Variants in DKKL1 observed in about 807,000 individuals in gnomAD.
DKKL1 encodes the protein dickkopf-like protein 1.
A neutral mutation model predicts 16.5 loss-of-function variants in DKKL1; 11 were observed. The observed-to-expected ratio is 0.67, with a 90% CI of 0.42 to 1.10. The LOEUF is 1.10. Among genes scored for constraint, DKKL1 ranks in the 50% least tolerant of loss-of-function variants. The pLI, the probability that DKKL1 is intolerant of heterozygous loss-of-function variation, is 0.00. For missense variants in DKKL1, 320 were observed against 308.1 expected (o/e 1.04, Z -0.29); for synonymous variants, 119 against 133.2 (o/e 0.89, Z 0.73).
At chr19:49,367,751 G>T (rs1973312654) in intron 4 of DKKL1, among the ~76,000 whole-genome samples, 1 of 152,178 alleles carries the variant, frequency 6.6e-6, no homozygotes, top group African/African-American at 2.4e-5. Context: ...ATTATGAAGT[G>T]CTTTGCAAAA....
At position 49,364,020 on chromosome 19, in the gene DKKL1, G is replaced by C; in HGVS notation, c.10+12G>C. The stretch of plus-strand genomic sequence containing the variant: ...GGGTATGGGAGAAGGTGAGGATTGA[G>C]ATCTGGTGGTGAACGTGGGCGAAAG... On this transcript the variant is annotated intron_variant, in intron 1 of 4. Coordinates refer to ENST00000221498, the MANE Select transcript of DKKL1 (RefSeq NM_014419.4). 1.2e-6 allele frequency: 2 copies of C among 1,613,304 alleles called. No homozygotes were observed. Among genetic ancestry groups the C allele is most frequent in the African/African-American group, 2.7e-5 (2 of 75,044 alleles).
At chr19:49,360,799 A>AGG (rs66557222), upstream of DKKL1, among the ~76,000 whole-genome samples, 47 of 46,228 alleles carry the variant, frequency 1.0e-3, no homozygotes, top group African/African-American at 4.1e-3. Context: ...GAGACCAGCA[A>AGG]GGGGGGGGGA....
At chr19:49,363,744 G>A (rs571315127), upstream of DKKL1, 6 of 575,158 alleles carry the variant, frequency 1.0e-5, no homozygotes, top group Non-Finnish European at 1.9e-5. Flanking sequence ...GAAGGATGGG[G>A]CGTGGCTGTG....
intron 4 of DKKL1, among the ~76,000 whole-genome samples, chr19:49,373,427 T>G (rs923852923): frequency 4.6e-5 from 7 of 152,178 alleles, no homozygotes; most frequent in African/African-American, 1.7e-4. Context: ...TATTACAGGT[T>G]AGAATTTCAA....
At chr19:49,361,045 A>AC (rs532318113), upstream of DKKL1, among the ~76,000 whole-genome samples, 3 of 62,800 alleles carry the variant, frequency 4.8e-5, no homozygotes, top group African/African-American at 1.6e-4. Flanking sequence ...GGGGACAGAG[A>AC]CCAGAGAGGG....
chr19:49,366,227 G>C (rs572561364), intron 4 of DKKL1, among the ~76,000 whole-genome samples: 2 of 152,104 alleles, frequency 1.3e-5, no homozygotes, highest in South Asian at 4.1e-4. Flanking sequence ...CACCATGCCT[G>C]GTGAGGCCCT....
intron 4 of DKKL1, among the ~76,000 whole-genome samples, chr19:49,368,077 C>T (rs1276633853): frequency 6.6e-6 from 1 of 152,080 alleles, no homozygotes; most frequent in Non-Finnish European, 1.5e-5. Context: ...ATTTGGGAGG[C>T]CAAGGCAGGC....
chr19:49,363,246 G>T (rs1271741161), upstream of DKKL1: 1 of 152,144 alleles, frequency 6.6e-6, no homozygotes, highest in Non-Finnish European at 1.5e-5. Context: ...CCGGACCTGA[G>T]GTCCTCAGGG....
chr19:49,373,404 C>A (rs1339331662), intron 4 of DKKL1, among the ~76,000 whole-genome samples: 1 of 152,048 alleles, frequency 6.6e-6, no homozygotes, highest in East Asian at 1.9e-4. Flanking sequence ...CCAAATAAGG[C>A]CACATTCTGA....
At position 49,374,688 on chromosome 19, in the gene DKKL1, G is replaced by A. The variant is rs760663459; in HGVS notation, c.418-29G>A. On this transcript the variant is annotated intron_variant, in intron 4 of 4. Coordinates refer to ENST00000221498, the MANE Select transcript of DKKL1 (RefSeq NM_014419.4). ...CATCCTGGGGTGCTGTTTGGAGTATGAGAGGGTCTCCTTGTTCTTCCTCCC... is the reference window on the plus strand; with the variant it reads ...CATCCTGGGGTGCTGTTTGGAGTATAAGAGGGTCTCCTTGTTCTTCCTCCC... 13 of 1,514,468 alleles carry A rather than the reference G, an allele frequency of 8.6e-6. No homozygotes were observed. The South Asian group carries it at 1.7e-4, about 20-fold the overall frequency. The allele number at this position is 1,514,468 out of a possible 1,614,324, so 93.8% of individuals were successfully genotyped here.
chr19:49,369,501 G>A (rs1278880811), intron 4 of DKKL1: 3 of 152,016 alleles, frequency 2.0e-5, no homozygotes, highest in Non-Finnish European at 4.4e-5. Flanking sequence ...AGGCTCTTCT[G>A]TATCTGCCCA....
chr19:49,365,595 C>T lies in DKKL1; in HGVS notation c.270C>T (p.Asn90=). The T allele has an allele frequency of 6.2e-7, 1 of 1,613,886 alleles. No homozygotes were observed. The highest frequency in any genetic ancestry group is 8.5e-7 in the Non-Finnish European group (1 of 1,179,896). The change falls in exon 3 of 5, where the codon AAC becomes AAT. Residue 90 remains asparagine (N), a synonymous_variant. Coordinates refer to ENST00000221498, the MANE Select transcript of DKKL1 (RefSeq NM_014419.4). ...CTGGGAACTACCACAAAGAGGAGAA[C>T]CAGGAGCACCAGCTGGGGAACAACA... is the stretch of plus-strand genomic sequence containing the variant. ...GLPGNYHKEE[N]QEHQLGNNTL... is the part of the protein sequence containing the mutation.
In DKKL1 at chr19:49,375,019, G is replaced by A. The variant is rs768285960; in HGVS notation, c.720G>A (p.Arg240=). 6.2e-7 allele frequency: 1 copy of A among 1,605,250 alleles called. No individual in the cohort carries two copies. The highest frequency in any genetic ancestry group is 1.1e-5 in the South Asian group (1 of 89,790). ...THLLYILRPS[R]QL is the part of the protein sequence containing the mutation. ...TACTGTACATCCTCAGGCCCTCTCG[G>A]CAGCTGTAGGGGTGGGGACCGGGGA... is the stretch of plus-strand genomic sequence containing the variant. The change falls in exon 5 of 5, where the codon CGG becomes CGA. Residue 240 remains arginine, a synonymous_variant. Coordinates refer to ENST00000221498, the MANE Select transcript of DKKL1 (RefSeq NM_014419.4).
At chr19:49,361,204 G>GAAGACA, upstream of DKKL1, among the ~76,000 whole-genome samples, 1 of 121,158 alleles carries the variant, frequency 8.3e-6, no homozygotes, top group Non-Finnish European at 1.7e-5. Flanking sequence ...GCCCAGAGAG[G>GAAGACA]GAGACAGAGA....
chr19:49,365,016 A>T (rs576740618), intron 2 of DKKL1, among the ~76,000 whole-genome samples: 1 of 151,962 alleles, frequency 6.6e-6, no homozygotes, highest in East Asian at 1.9e-4. Context: ...AAAAAAATAT[A>T]AAAAATAGTT....
chr19:49,372,049 T>C (rs1973512929), intron 4 of DKKL1, among the ~76,000 whole-genome samples: 1 of 152,222 alleles, frequency 6.6e-6, no homozygotes, highest in Non-Finnish European at 1.5e-5. Context: ...TTCCAATTCT[T>C]TGCTATTGTG....
At chr19:49,372,942 G>A (rs574339244) in intron 4 of DKKL1, among the ~76,000 whole-genome samples, 1 of 151,704 alleles carries the variant, frequency 6.6e-6, no homozygotes, top group Non-Finnish European at 1.5e-5. Flanking sequence ...TGGAGGTCGC[G>A]GTGAGCGAAG....
At chr19:49,361,510 A>AAGGG (rs1972933032), upstream of DKKL1, 1 of 152,290 alleles carries the variant, frequency 6.6e-6, no homozygotes, top group African/African-American at 2.4e-5. Flanking sequence ...AGCCAGAACA[A>AAGGG]AGGGCCCAGG....
At chr19:49,364,795 G>A (rs1178746041) in intron 2 of DKKL1, 41 bp downstream of exon 2, 2 of 1,591,760 alleles carry the variant, frequency 1.3e-6, no homozygotes, top group Non-Finnish European at 8.6e-7. Context: ...GTACTGAGAA[G>A]AGGTTCAGGG....
Sources: gnomAD v4.1 joint callset for allele counts (sites outside exome capture counted in the v4.1 genomes callset) on GRCh38, gnomAD v4.1.1 for gene constraint, MANE v1.5 for transcripts, NCBI Gene and HGNC (gene_info 2026-07-23, HGNC 2026-07-21) for gene names.